The following GRIA2 variants were observed in gnomAD, a reference collection of about 807,000 sequenced individuals.
GRIA2 encodes glutamate receptor 2.
In GRIA2, 14 loss-of-function variants were observed where a neutral mutation model predicts 97.3. The observed-to-expected ratio is 0.14, with a 90% CI of 0.10 to 0.23. The LOEUF (loss-of-function observed/expected upper bound fraction) is 0.23, where lower values mean the gene tolerates loss of function less well. Ranked by LOEUF, GRIA2 falls within the 10% of genes least tolerant of loss-of-function variation. The pLI, the probability that GRIA2 is intolerant of heterozygous loss-of-function variation, is 1.00. For synonymous variants in GRIA2, 412 were observed against 387.8 expected (o/e 1.06, Z -0.73); for missense variants, 558 against 1,069.8 (o/e 0.52, Z 6.67).
intron 12 of GRIA2, among the ~76,000 whole-genome samples, chr4:157,350,032 G>A (rs1735939860): frequency 6.6e-6 from 1 of 151,980 alleles, no homozygotes; most frequent in South Asian, 2.1e-4. Flanking sequence ...TGTACCTTAT[G>A]AATTCGTTAA....
intron 15 of GRIA2, 41 bp from the exon 16 acceptor site, chr4:157,363,394 T>C: frequency 1.7e-6 from 2 of 1,204,250 alleles, no homozygotes; most frequent in Non-Finnish European, 2.1e-6. Flanking sequence ...AACCATAACG[T>C]ATGATTTCTT....
intron 12 of GRIA2, among the ~76,000 whole-genome samples, chr4:157,357,916 A>G (rs1454154738): frequency 6.6e-6 from 1 of 152,076 alleles, no homozygotes; most frequent in Non-Finnish European, 1.5e-5. Flanking sequence ...TAATTTTTGA[A>G]TTTTCTCTGA....
At chr4:157,255,657 G>A (rs1731209948) in intron 2 of GRIA2, among the ~76,000 whole-genome samples, 1 of 151,862 alleles carries the variant, frequency 6.6e-6, no homozygotes, top group African/African-American at 2.4e-5. Flanking sequence ...CTTCTACACA[G>A]CAAAAGAAAT....
intron 2 of GRIA2, among the ~76,000 whole-genome samples, chr4:157,262,741 C>T (rs1442378452): frequency 6.6e-6 from 1 of 152,000 alleles, no homozygotes; most frequent in Non-Finnish European, 1.5e-5. Context: ...TCCTTTTTAG[C>T]TCAATTTCCC....
chr4:157,231,480 A>G (rs531753729), intron 2 of GRIA2, among the ~76,000 whole-genome samples: 22 of 152,340 alleles, frequency 1.4e-4, no homozygotes, highest in African/African-American at 5.3e-4. Flanking sequence ...CTCGGCTAAC[A>G]ATATGCATTT....
At position 157,303,856 on chromosome 4, in the gene GRIA2, T is replaced by G. The variant is rs191657824; in HGVS notation, c.469+65T>G. 217 of 1,514,978 alleles carry G rather than the reference T, an allele frequency of 1.4e-4. 1 individual carries two copies. The African/African-American group carries it at 2.7e-3, about 19-fold the overall frequency. The allele number at this position is 1,514,978 out of a possible 1,614,324, so 93.8% of individuals were successfully genotyped here. On this transcript the variant is annotated intron_variant, in intron 3 of 15. Transcript: ENST00000264426. Reference sequence around the variant, plus strand: ...TCAATGCCTACACTTGACACTTCTATGGATGTTATAAAGCTACAAAGGTGT... The same window carrying G: ...TCAATGCCTACACTTGACACTTCTAGGGATGTTATAAAGCTACAAAGGTGT...
chr4:157,262,031 G>A (rs1387299154), intron 2 of GRIA2, among the ~76,000 whole-genome samples: 1 of 151,994 alleles, frequency 6.6e-6, no homozygotes, highest in African/African-American at 2.4e-5. Context: ...GAAATATAAC[G>A]TCCTCTTTAT....
chr4:157,336,263 A>C, intron 10 of GRIA2, 114 bp from the exon 11 acceptor site: 1 of 897,542 alleles, frequency 1.1e-6, no homozygotes, highest in Non-Finnish European at 1.7e-6. Context: ...CCAAGGAAAA[A>C]ATTATTGTCA....
In GRIA2 at chr4:157,351,978, C is replaced by T. The variant is rs188461237; in HGVS notation, c.2044-7918C>T. 8.5e-5 allele frequency among the ~76,000 whole-genome samples: 13 copies of T among 152,312 alleles called. 1 individual carries two copies. The highest frequency in any genetic ancestry group is 1.3e-4 in the Admixed American group (2 of 15,290). On this transcript the variant is annotated intron_variant, in intron 12 of 15. Coordinates refer to ENST00000264426, the MANE Select transcript of GRIA2 (RefSeq NM_001083619.3). The stretch of plus-strand genomic sequence containing the variant: ...ACAGTATGAAAACGAACTTATATGA[C>T]ATGACTCTAGTTTTATCACATTTGA...
chr4:157,240,850 C>T (rs1044569634), intron 2 of GRIA2, among the ~76,000 whole-genome samples: 11 of 151,442 alleles, frequency 7.3e-5, no homozygotes, highest in African/African-American at 2.7e-4. Context: ...CCAATGCTAT[C>T]CCTCCCCTCT....
At chr4:157,287,997 T>C (rs1732922109) in intron 2 of GRIA2, among the ~76,000 whole-genome samples, 1 of 151,678 alleles carries the variant, frequency 6.6e-6, no homozygotes, top group Non-Finnish European at 1.5e-5. Flanking sequence ...GTCAGATTGC[T>C]CACAAAGAAA....
chr4:157,342,412 G>A (rs750058149), intron 12 of GRIA2: 2 of 983,588 alleles, frequency 2.0e-6, no homozygotes, highest in Non-Finnish European at 2.4e-6. Context: ...GTAGAACCAT[G>A]GCTAATAACA....
At chr4:157,309,617 T>C (rs1406655255) in intron 3 of GRIA2, among the ~76,000 whole-genome samples, 1 of 152,140 alleles carries the variant, frequency 6.6e-6, no homozygotes, top group East Asian at 1.9e-4. Flanking sequence ...TGGCGCAAGT[T>C]AGGCATTTCT....
At chr4:157,253,780 A>G (rs1731119562) in intron 2 of GRIA2, among the ~76,000 whole-genome samples, 1 of 152,132 alleles carries the variant, frequency 6.6e-6, no homozygotes, top group Non-Finnish European at 1.5e-5. Flanking sequence ...TTCACTGGGA[A>G]TTTTAACTAG....
At chr4:157,335,614 A>G in intron 9 of GRIA2, 57 bp from the exon 10 acceptor site, 1 of 1,004,910 alleles carries the variant, frequency 1.0e-6, no homozygotes, top group Non-Finnish European at 1.6e-6. Context: ...TGATTCAATG[A>G]GAGTACATAA....
chr4:157,315,847 T>G, intron 4 of GRIA2, among the ~76,000 whole-genome samples: 1 of 152,194 alleles, frequency 6.6e-6, no homozygotes, highest in African/African-American at 2.4e-5. Flanking sequence ...ATTATCATTT[T>G]ATAAAACTTT....
At chr4:157,346,825 A>T (rs146914212) in intron 12 of GRIA2, among the ~76,000 whole-genome samples, 1 of 152,282 alleles carries the variant, frequency 6.6e-6, no homozygotes, top group African/African-American at 2.4e-5. Flanking sequence ...TGCATGCCCA[A>T]TCCTTCTCTA....
chr4:157,280,244 A>G (rs989605273), intron 2 of GRIA2, among the ~76,000 whole-genome samples: 9 of 152,286 alleles, frequency 5.9e-5, no homozygotes, highest in African/African-American at 1.9e-4. Context: ...GAATACCCTT[A>G]TTAATGAAAT....
chr4:157,264,838 A>G (rs1250984957), intron 2 of GRIA2, among the ~76,000 whole-genome samples: 2 of 151,976 alleles, frequency 1.3e-5, no homozygotes, highest in African/African-American at 4.8e-5. Flanking sequence ...AACAACTAAC[A>G]TTCTCTGGGA....
Sources: gnomAD v4.1 joint callset for allele counts (sites outside exome capture counted in the v4.1 genomes callset) on GRCh38, gnomAD v4.1.1 for gene constraint, MANE v1.5 for transcripts, NCBI Gene and HGNC (gene_info 2026-07-23, HGNC 2026-07-21) for gene names.